Variants in ADAMTSL3 observed in about 807,000 individuals in gnomAD.
ADAMTSL3 encodes the protein ADAMTS like 3.
Under a neutral mutation model 201.7 loss-of-function variants are expected in ADAMTSL3, and 128 were observed. The observed-to-expected ratio is 0.63, with a 90% CI of 0.55 to 0.73. ADAMTSL3 has a LOEUF of 0.73. Among genes scored for constraint, ADAMTSL3 ranks in the 30% least tolerant of loss-of-function variants. The probability of loss-of-function intolerance (pLI) is 0.00; values close to 1 mark genes in which losing one functional copy is unlikely to be tolerated. For missense variants in ADAMTSL3, 1,990 were observed against 2,119.6 expected (o/e 0.94, Z 1.20); for synonymous variants, 738 against 748.4 (o/e 0.99, Z 0.23).
chr15:83,937,307 C>A (rs1291737842), intron 17 of ADAMTSL3, among the ~76,000 whole-genome samples: 1 of 150,940 alleles, frequency 6.6e-6, no homozygotes, highest in Non-Finnish European at 1.5e-5. Flanking sequence ...TACATATACA[C>A]CATGGAATAT....
At chr15:83,927,109 C>T (rs2066261113) in intron 17 of ADAMTSL3, among the ~76,000 whole-genome samples, 1 of 151,522 alleles carries the variant, frequency 6.6e-6, no homozygotes, top group Non-Finnish European at 1.5e-5. Flanking sequence ...AAATCCTTTT[C>T]TTTCTTTCTT....
At chr15:83,991,338 A>C in intron 23 of ADAMTSL3, 124 bp downstream of exon 23, 1 of 1,430,098 alleles carries the variant, frequency 7.0e-7, no homozygotes, top group Non-Finnish European at 9.5e-7. Flanking sequence ...GGCTTAAAAA[A>C]AAGATTTTCC....
At chr15:83,932,853 GA>G (rs1457328874) in intron 17 of ADAMTSL3, among the ~76,000 whole-genome samples, 2 of 152,070 alleles carry the variant, frequency 1.3e-5, no homozygotes, top group East Asian at 1.9e-4. Flanking sequence ...GTCAGTGGGG[GA>G]AAAAACAGAA....
intron 4 of ADAMTSL3, among the ~76,000 whole-genome samples, chr15:83,792,367 A>G (rs1307335925): frequency 6.6e-6 from 1 of 152,250 alleles, no homozygotes; most frequent in Non-Finnish European, 1.5e-5. Flanking sequence ...TAGGATGGCT[A>G]TTAAAAAAAC....
At chr15:83,877,743 A>C (rs1480819) in intron 9 of ADAMTSL3, among the ~76,000 whole-genome samples, 4,214 of 152,240 alleles carry the variant, frequency 0.028, 174 homozygotes, top group African/African-American at 0.097. Context: ...TACATTTTTT[A>C]GTTCTTTTAA....
intron 10 of ADAMTSL3, among the ~76,000 whole-genome samples, chr15:83,887,506 C>A (rs1055592580): frequency 2.0e-5 from 3 of 152,198 alleles, no homozygotes; most frequent in Non-Finnish European, 4.4e-5. Context: ...CCAGAATTTT[C>A]TTGAATGTTA....
At chr15:83,946,375 G>A (rs2066655140) in intron 19 of ADAMTSL3, among the ~76,000 whole-genome samples, 1 of 152,206 alleles carries the variant, frequency 6.6e-6, no homozygotes, top group Non-Finnish European at 1.5e-5. Flanking sequence ...CAAATCCTTG[G>A]TCCAACTGTG....
chr15:83,678,819 A>ATT (rs1160479381), intron 2 of ADAMTSL3, among the ~76,000 whole-genome samples: 2 of 78,970 alleles, frequency 2.5e-5, no homozygotes, highest in Non-Finnish European at 5.4e-5. Flanking sequence ...TATAATATAA[A>ATT]ATATAAATAT....
intron 7 of ADAMTSL3, among the ~76,000 whole-genome samples, chr15:83,842,373 A>G (rs1048286394): frequency 6.6e-6 from 1 of 152,018 alleles, no homozygotes; most frequent in Non-Finnish European, 1.5e-5. Context: ...ACTGTAACAC[A>G]TGCTGGAACT....
At chr15:83,979,135 C>T (rs1343113220) in intron 20 of ADAMTSL3, among the ~76,000 whole-genome samples, 1 of 152,240 alleles carries the variant, frequency 6.6e-6, no homozygotes, top group Non-Finnish European at 1.5e-5. Flanking sequence ...GACGTTTCCC[C>T]ATGTGTGCTT....
intron 2 of ADAMTSL3, chr15:83,694,300 TGGTGGGAACGGAAC>T (rs1441510831): frequency 1.3e-5 from 2 of 152,194 alleles, no homozygotes; most frequent in African/African-American, 4.8e-5. Context: ...CTGGGTGCTT[TGGTGGGAACGGAAC>T]GGTGTCACCC....
At chr15:83,784,983 C>T (rs937088763) in intron 4 of ADAMTSL3, among the ~76,000 whole-genome samples, 2 of 152,168 alleles carry the variant, frequency 1.3e-5, no homozygotes, top group African/African-American at 4.8e-5. Flanking sequence ...TGTGTGCACA[C>T]AAGCAGCATT....
chr15:83,951,030 C>G (rs1445593143), intron 19 of ADAMTSL3, among the ~76,000 whole-genome samples: 3 of 146,188 alleles, frequency 2.1e-5, no homozygotes, highest in African/African-American at 7.6e-5. Flanking sequence ...CCTGATTCCT[C>G]TAACTAGGAC....
At chr15:84,009,204 A>G (rs2067960544) in intron 23 of ADAMTSL3, among the ~76,000 whole-genome samples, 1 of 152,122 alleles carries the variant, frequency 6.6e-6, no homozygotes. Flanking sequence ...ACGATGACCT[A>G]TCAGGCTATG....
At chr15:83,793,459 G>GTGTTGT (rs57822593) in intron 4 of ADAMTSL3, among the ~76,000 whole-genome samples, 22,085 of 150,554 alleles carry the variant, frequency 0.15, 1,725 homozygotes, top group Admixed American at 0.22. Context: ...ATCTGTTGGT[G>GTGTTGT]TGTTGTTGTT....
At chr15:83,819,789 G>C (rs2141908814) in intron 5 of ADAMTSL3, 22 bp from the exon 6 acceptor site, 2 of 1,585,482 alleles carry the variant, frequency 1.3e-6, no homozygotes, top group East Asian at 4.5e-5. Context: ...ATGTGCATGT[G>C]GCCTTTTCCC....
intron 7 of ADAMTSL3, among the ~76,000 whole-genome samples, chr15:83,847,645 G>A (rs148381956): frequency 0.027 from 4,050 of 152,080 alleles, 129 homozygotes; most frequent in South Asian, 0.17. Context: ...ACAGTCACGT[G>A]CCACCATGCC....
intron 17 of ADAMTSL3, among the ~76,000 whole-genome samples, chr15:83,940,065 T>G (rs911492502): frequency 6.6e-6 from 1 of 152,232 alleles, no homozygotes; most frequent in African/African-American, 2.4e-5. Flanking sequence ...TTGTCAAACT[T>G]TTTTAATATA....
chr15:83,885,134 C>G lies in ADAMTSL3; in HGVS notation c.994C>G (p.Gln332Glu). ...RYTAAKDSVV[Q>E]FFFYQPISHQ... ...CACTGCAGCCAAAGACAGCGTGGTT[C>G]AGTTCTTCTTTTACCAGCCCATCAG... The change falls in exon 10 of 30, where the codon CAG becomes GAG. Residue 332 changes from glutamine to glutamate, a missense_variant. By Grantham distance (29) the Gln-to-Glu change is conservative. Transcript: ENST00000286744. 1 of 1,614,114 alleles carries G rather than the reference C, an allele frequency of 6.2e-7. No homozygotes were observed. The highest frequency in any genetic ancestry group is 8.5e-7 in the Non-Finnish European group (1 of 1,179,992).
Sources: gnomAD v4.1 joint callset for allele counts (sites outside exome capture counted in the v4.1 genomes callset) on GRCh38, gnomAD v4.1.1 for gene constraint, MANE v1.5 for transcripts, NCBI Gene and HGNC (gene_info 2026-07-23, HGNC 2026-07-21) for gene names.